Variants in NFIA observed in about 807,000 individuals in gnomAD.
NFIA encodes nuclear factor I A.
NFIA carries 8 observed loss-of-function variants against 62.8 expected under a neutral mutation model. That is an observed-to-expected ratio of 0.13 (90% confidence interval 0.07 to 0.23). The LOEUF (loss-of-function observed/expected upper bound fraction) is 0.23. Ranked by LOEUF, NFIA falls within the 10% of genes least tolerant of loss-of-function variation. NFIA has a pLI of 1.00. For missense variants in NFIA, 410 were observed against 642.1 expected, an observed-to-expected ratio of 0.64 and a Z score of 3.91; for synonymous variants, 235 against 238.1, an observed-to-expected ratio of 0.99 and a Z score of 0.12.
intron 9 of NFIA, among the ~76,000 whole-genome samples, chr1:61,413,252 A>G (rs1209136583): frequency 6.6e-6 from 1 of 152,240 alleles, no homozygotes; most frequent in Non-Finnish European, 1.5e-5. Flanking sequence ...AATGAATATG[A>G]ATTCGTTAGC....
At chr1:61,198,204 T>A (rs1652171554) in intron 2 of NFIA, among the ~76,000 whole-genome samples, 1 of 152,096 alleles carries the variant, frequency 6.6e-6, no homozygotes, top group Admixed American at 6.6e-5. Flanking sequence ...AGAAAAAAAA[T>A]TCTGGGAGAA....
At chr1:61,177,293 G>A (rs937275553) in intron 2 of NFIA, among the ~76,000 whole-genome samples, 2 of 152,020 alleles carry the variant, frequency 1.3e-5, no homozygotes, top group South Asian at 2.1e-4. Context: ...ATGAAAAAAC[G>A]CAAAAGAAGC....
intron 10 of NFIA, 115 bp from the exon 11 acceptor site, chr1:61,455,188 G>A (rs553104797): frequency 2.5e-4 from 251 of 1,001,614 alleles, no homozygotes; most frequent in African/African-American, 2.3e-3. Flanking sequence ...TTTTCCCAGC[G>A]AATCCCTCCC....
chr1:61,356,373 A>AT (rs1662954518), intron 5 of NFIA, among the ~76,000 whole-genome samples: 1 of 152,282 alleles, frequency 6.6e-6, no homozygotes, highest in Admixed American at 6.5e-5. Context: ...GTGGCTTTCC[A>AT]TTTTAAAACA....
intron 2 of NFIA, among the ~76,000 whole-genome samples, chr1:61,156,960 T>G (rs1343382321): frequency 4.6e-5 from 7 of 152,164 alleles, no homozygotes; most frequent in Non-Finnish European, 1.0e-4. Context: ...GCAAAAAAAT[T>G]AAAGCTCTCC....
At chr1:61,096,709 C>T (rs749134269) in intron 2 of NFIA, among the ~76,000 whole-genome samples, 25 of 151,830 alleles carry the variant, frequency 1.6e-4, no homozygotes, top group East Asian at 5.8e-4. Context: ...CCCACCACCA[C>T]GCCAGGCTAA....
At chr1:61,446,034 A>G (rs1221663651) in intron 10 of NFIA, among the ~76,000 whole-genome samples, 1 of 152,130 alleles carries the variant, frequency 6.6e-6, no homozygotes. Context: ...TTAGAAAAAA[A>G]AAATGATTCC....
intron 4 of NFIA, among the ~76,000 whole-genome samples, chr1:61,344,206 T>C (rs1173883066): frequency 2.0e-5 from 3 of 152,206 alleles, no homozygotes; most frequent in African/African-American, 7.2e-5. Flanking sequence ...TGCTTGAGTT[T>C]TCATAGCATT....
chr1:61,305,128 G>A (rs542467352), intron 3 of NFIA, among the ~76,000 whole-genome samples: 35 of 152,262 alleles, frequency 2.3e-4, no homozygotes, highest in Admixed American at 6.5e-4. Flanking sequence ...GGTGGGCATG[G>A]GAGTGTGAAA....
chr1:61,266,752 T>A (rs1400473837), intron 2 of NFIA, among the ~76,000 whole-genome samples: 1 of 152,138 alleles, frequency 6.6e-6, no homozygotes, highest in Non-Finnish European at 1.5e-5. Flanking sequence ...AACAAACATG[T>A]GTTAGTATCT....
At chr1:61,272,225 T>G (rs760524772) in intron 2 of NFIA, among the ~76,000 whole-genome samples, 2 of 152,232 alleles carry the variant, frequency 1.3e-5, no homozygotes, top group Non-Finnish European at 2.9e-5. Context: ...ACCCTTAAGC[T>G]ACAAATTGTA....
chr1:61,333,763 C>T (rs1047610613), intron 4 of NFIA, among the ~76,000 whole-genome samples: 14 of 152,150 alleles, frequency 9.2e-5, no homozygotes, highest in Middle Eastern at 6.8e-3. Flanking sequence ...TTTGAGAGGC[C>T]GAGGCAGGTG....
In NFIA at chr1:61,233,571, G is replaced by A. The variant is rs576041047; in HGVS notation, c.560-43949G>A. Among the ~76,000 whole-genome samples, 9 of 152,336 alleles carry A rather than the reference G, an allele frequency of 5.9e-5. No homozygotes were observed. The East Asian group carries it at 1.5e-3, about 26-fold the overall frequency. ...CTTACTACTTGTGCTGTGAATAGAA[G>A]AATGAATATTTGAATTTATAATTGG... On this transcript the variant is annotated intron_variant, in intron 2 of 10. Coordinates refer to ENST00000403491, the MANE Select transcript of NFIA (RefSeq NM_001134673.4).
intron 6 of NFIA, among the ~76,000 whole-genome samples, chr1:61,369,952 G>C (rs774406456): frequency 1.3e-4 from 20 of 152,196 alleles, no homozygotes; most frequent in African/African-American, 4.8e-4. Flanking sequence ...AGCACCATCA[G>C]TTTATATGGA....
intron 10 of NFIA, among the ~76,000 whole-genome samples, chr1:61,437,594 C>A (rs1445454650): frequency 2.0e-5 from 3 of 152,106 alleles, no homozygotes; most frequent in Non-Finnish European, 4.4e-5. Flanking sequence ...CAATCCCTGC[C>A]GTACATAGCT....
intron 2 of NFIA, among the ~76,000 whole-genome samples, chr1:61,216,847 A>G (rs1653657898): frequency 6.6e-6 from 1 of 151,744 alleles, no homozygotes; most frequent in African/African-American, 2.4e-5. Context: ...TAAAACTACA[A>G]AAATTGGCTG....
intron 2 of NFIA, among the ~76,000 whole-genome samples, chr1:61,230,273 T>C (rs1654591984): frequency 6.6e-6 from 1 of 152,082 alleles, no homozygotes; most frequent in South Asian, 2.1e-4. Context: ...TATCTAGAAA[T>C]AACCTTAAAA....
chr1:61,232,409 TA>T (rs1654734668), intron 2 of NFIA, among the ~76,000 whole-genome samples: 1 of 152,208 alleles, frequency 6.6e-6, no homozygotes, highest in African/African-American at 2.4e-5. Context: ...CAATATTACA[TA>T]AAAGTTTTAT....
At position 61,082,691 on chromosome 1, in the gene NFIA, TCTCTCTTCCTCTCTCC is replaced by T; in HGVS notation, c.-96_-81del. On this transcript the variant is annotated 5_prime_UTR_variant, in exon 1 of 11. Coordinates refer to ENST00000403491, the MANE Select transcript of NFIA (RefSeq NM_001134673.4). ...CCCCCCTTCTCTCTCTCTCTCTCTC[TCTCTCTTCCTCTCTCC>T]CTCTTTCTCCTCTCTCACCCACACT... is the stretch of plus-strand genomic sequence containing the variant. 1 of 1,540,770 alleles carries T rather than the reference TCTCTCTTCCTCTCTCC, an allele frequency of 6.5e-7. No individual in the cohort carries two copies. The highest frequency in any genetic ancestry group is 8.8e-7 in the Non-Finnish European group (1 of 1,140,924).
Sources: gnomAD v4.1 joint callset for allele counts (sites outside exome capture counted in the v4.1 genomes callset) on GRCh38, gnomAD v4.1.1 for gene constraint, MANE v1.5 for transcripts, NCBI Gene and HGNC (gene_info 2026-07-23, HGNC 2026-07-21) for gene names.